The following LRRIQ1 variants were observed in gnomAD, a reference collection of about 807,000 sequenced individuals.
The protein encoded by LRRIQ1 is leucine rich repeats and IQ motif containing 1.
In LRRIQ1, 210 loss-of-function variants were observed where a neutral mutation model predicts 211.9. That is an observed-to-expected ratio of 0.99 (90% CI 0.89 to 1.11). LRRIQ1 has a LOEUF of 1.11. Ranked by LOEUF, LRRIQ1 falls within the 50% of genes most tolerant of loss-of-function variation. The probability of loss-of-function intolerance (pLI) is 0.00; values close to 1 mark genes in which losing one functional copy is unlikely to be tolerated. For synonymous variants in LRRIQ1, 699 were observed against 650.1 expected (o/e 1.08, Z -1.14); for missense variants, 2,136 against 1,939.5 (o/e 1.10, Z -1.90).
At chr12:85,198,014 ATTATAT>A (rs1565898619) in intron 24 of LRRIQ1, among the ~76,000 whole-genome samples, 4 of 59,854 alleles carry the variant, frequency 6.7e-5, no homozygotes, top group African/African-American at 2.4e-4. Flanking sequence ...TATATAATAT[ATTATAT>A]TATTATATAT....
At chr12:85,113,381 A>T (rs1454435263) in intron 15 of LRRIQ1, among the ~76,000 whole-genome samples, 1 of 151,986 alleles carries the variant, frequency 6.6e-6, no homozygotes, top group South Asian at 2.1e-4. Flanking sequence ...TTTCACTGAG[A>T]TCTGTTAAAT....
chr12:85,123,347 C>G (rs1304914678), intron 16 of LRRIQ1, among the ~76,000 whole-genome samples: 1 of 151,466 alleles, frequency 6.6e-6, no homozygotes, highest in Non-Finnish European at 1.5e-5. Flanking sequence ...CCAGAAAATA[C>G]AAGTTAGAAA....
chr12:85,175,325 A>G (rs1047192902), intron 24 of LRRIQ1, among the ~76,000 whole-genome samples: 2 of 152,172 alleles, frequency 1.3e-5, no homozygotes, highest in Non-Finnish European at 1.5e-5. Context: ...CCATGATGAC[A>G]GAGAACACCA....
intron 11 of LRRIQ1, among the ~76,000 whole-genome samples, chr12:85,093,744 A>G (rs2136243879): frequency 6.6e-6 from 1 of 152,332 alleles, no homozygotes; most frequent in East Asian, 1.9e-4. Flanking sequence ...TTCAAAGCCA[A>G]ACTGGAATTT....
Position 85,073,094 on chromosome 12 carries a change from G to A in LRRIQ1, c.2883G>A (p.Trp961Ter). ...ATTTCCTTATCTCCCACTTATACTGGAATTGTAAGTTGTGTTTATTTTTTA... is the reference window on the plus strand; with the variant it reads ...ATTTCCTTATCTCCCACTTATACTGAAATTGTAAGTTGTGTTTATTTTTTA... ...DCNFLISHLY[W>*]NCGLESLKNL... Residue 961 changes from tryptophan (W) to a stop codon, truncating the protein, a stop_gained, in exon 11 of 27, where the codon TGG becomes TGA. Coordinates refer to ENST00000393217, the MANE Select transcript of LRRIQ1 (RefSeq NM_001079910.2). LOFTEE classifies it high-confidence loss of function. 6.3e-7 allele frequency: 1 copy of A among 1,588,680 alleles called. No individual in the cohort carries two copies. The highest frequency in any genetic ancestry group is 8.6e-7 in the Non-Finnish European group (1 of 1,162,396).
chr12:85,072,472 G>A (rs1284935535), intron 10 of LRRIQ1, among the ~76,000 whole-genome samples: 1 of 149,590 alleles, frequency 6.7e-6, no homozygotes, highest in African/African-American at 2.4e-5. Flanking sequence ...TGATCTGTTT[G>A]CTTGATTTAC....
chr12:85,128,149 T>C (rs1888513544), intron 18 of LRRIQ1, 116 bp downstream of exon 18: 3 of 865,362 alleles, frequency 3.5e-6, no homozygotes, highest in Non-Finnish European at 5.4e-6. Flanking sequence ...TGTAGATTTA[T>C]TTCTTATTCA....
intron 1 of LRRIQ1, among the ~76,000 whole-genome samples, chr12:85,251,367 G>C (rs1362916647): frequency 6.6e-6 from 1 of 151,818 alleles, no homozygotes; most frequent in East Asian, 1.9e-4. Flanking sequence ...ACTAGAGAGT[G>C]ACTAATAAAG....
intron 24 of LRRIQ1, among the ~76,000 whole-genome samples, chr12:85,217,484 ATATATATG>A (rs1419262940): frequency 2.6e-4 from 21 of 79,306 alleles, no homozygotes; most frequent in African/African-American, 1.3e-3. Context: ...ATATATATAT[ATATATATG>A]TATATATATA....
chr12:85,247,577 C>G (rs189123911), downstream of LRRIQ1, among the ~76,000 whole-genome samples: 794 of 151,532 alleles, frequency 5.2e-3, 21 homozygotes, highest in Admixed American at 0.041. Context: ...AGTTTACTGT[C>G]TGTAAAATGG....
chr12:85,097,084 A>G (rs1336272904), intron 11 of LRRIQ1, among the ~76,000 whole-genome samples: 2 of 152,188 alleles, frequency 1.3e-5, no homozygotes, highest in African/African-American at 4.8e-5. Flanking sequence ...AAGACAGCAG[A>G]CAGATGGGTC....
At chr12:85,191,251 A>G (rs1378325924) in intron 24 of LRRIQ1, among the ~76,000 whole-genome samples, 2 of 151,948 alleles carry the variant, frequency 1.3e-5, no homozygotes, top group East Asian at 3.9e-4. Context: ...GTTTGATGAC[A>G]TGTATCCAGC....
chr12:85,121,821 C>T lies in LRRIQ1; in HGVS notation c.3502C>T (p.Gln1168Ter). 6.2e-7 allele frequency: 1 copy of T among 1,607,484 alleles called. No homozygotes were observed. Among genetic ancestry groups the T allele is most frequent in the Non-Finnish European group, 8.5e-7 (1 of 1,176,970 alleles). ...LGSAGFLALC[Q>*]SQIREFNLLI... ...ATCAGCAGGTTTCCTGGCACTTTGT[C>T]AGTCTCAGATTCGAGAATTCAACTT... is the stretch of plus-strand genomic sequence containing the variant. The change falls in exon 16 of 27, where the codon CAG (glutamine) becomes TAG (stop). Residue 1168 changes from glutamine (Q) to a stop codon, truncating the protein, a stop_gained. Coordinates refer to ENST00000393217, the MANE Select transcript of LRRIQ1 (RefSeq NM_001079910.2). LOFTEE classifies it high-confidence loss of function.
At chr12:85,132,742 A>G (rs1015656789) in intron 18 of LRRIQ1, among the ~76,000 whole-genome samples, 1 of 152,084 alleles carries the variant, frequency 6.6e-6, no homozygotes, top group African/African-American at 2.4e-5. Flanking sequence ...AGCCTAGGTG[A>G]AAGAGTGAGA....
intron 1 of LRRIQ1, among the ~76,000 whole-genome samples, chr12:85,258,622 A>G (rs2137327822): frequency 6.6e-6 from 1 of 151,546 alleles, no homozygotes; most frequent in African/African-American, 2.4e-5. Flanking sequence ...TATCTACCTC[A>G]ACCCCAAATT....
intron 16 of LRRIQ1, 60 bp from the exon 17 acceptor site, chr12:85,124,010 C>A: frequency 7.6e-7 from 1 of 1,319,256 alleles, no homozygotes; most frequent in Non-Finnish European, 1.1e-6. Context: ...AAAACTTGCA[C>A]AAGTTTTAAT....
At chr12:85,122,746 A>C (rs1888077955) in intron 16 of LRRIQ1, among the ~76,000 whole-genome samples, 1 of 152,108 alleles carries the variant, frequency 6.6e-6, no homozygotes, top group Non-Finnish European at 1.5e-5. Context: ...CACATCATTA[A>C]AAATAATTTC....
chr12:85,234,809 G>T (rs970720558), intron 26 of LRRIQ1, among the ~76,000 whole-genome samples: 2 of 152,182 alleles, frequency 1.3e-5, no homozygotes, highest in African/African-American at 4.8e-5. Flanking sequence ...GTTATCAAAT[G>T]TTAGAAAAGA....
At chr12:85,248,609 G>T (rs1895805055), downstream of LRRIQ1, among the ~76,000 whole-genome samples, 1 of 151,510 alleles carries the variant, frequency 6.6e-6, no homozygotes, top group African/African-American at 2.4e-5. Flanking sequence ...TCCTGAAGTT[G>T]TTCTTTGGTT....
Sources: gnomAD v4.1 joint callset for allele counts (sites outside exome capture counted in the v4.1 genomes callset) on GRCh38, gnomAD v4.1.1 for gene constraint, MANE v1.5 for transcripts, NCBI Gene and HGNC (gene_info 2026-07-23, HGNC 2026-07-21) for gene names.